The following GLIS3 variants were observed in gnomAD, a reference collection of about 807,000 sequenced individuals.
GLIS3 encodes zinc finger protein GLIS3.
A neutral mutation model predicts 78.6 loss-of-function variants in GLIS3; 53 were observed. The ratio of observed to expected loss-of-function variants is 0.67; its 90% CI spans 0.54 to 0.85. GLIS3 has a LOEUF of 0.85. GLIS3 is among the 40% of genes least tolerant of loss of function. The pLI, the probability that GLIS3 is intolerant of heterozygous loss-of-function variation, is 0.00. For synonymous variants in GLIS3, 684 were observed against 509.9 expected, an observed-to-expected ratio of 1.34 and a Z score of -4.60; for missense variants, 1,703 against 1,231.1, an observed-to-expected ratio of 1.38 and a Z score of -5.74.
intron 2 of GLIS3, among the ~76,000 whole-genome samples, chr9:4,240,065 G>C (rs909091162): frequency 1.3e-5 from 2 of 151,350 alleles, no homozygotes; most frequent in Non-Finnish European, 2.9e-5. Flanking sequence ...TAAAATTATA[G>C]TATGTAAGTA....
At chr9:4,427,816 G>A in the GLIS3 span, among the ~76,000 whole-genome samples, 3 of 151,670 alleles carry the variant, frequency 2.0e-5, no homozygotes, top group Non-Finnish European at 4.4e-5. Flanking sequence ...CCAAGATTGT[G>A]CCACTGCACT....
the GLIS3 span, among the ~76,000 whole-genome samples, chr9:4,358,672 C>T: frequency 6.7e-6 from 1 of 149,300 alleles, no homozygotes; most frequent in Non-Finnish European, 1.5e-5. Context: ...ATGCCTTGTA[C>T]AGTAGTCTTT....
intron 4 of GLIS3, among the ~76,000 whole-genome samples, chr9:4,066,435 A>C (rs1267301382): frequency 6.6e-6 from 1 of 152,140 alleles, no homozygotes; most frequent in Non-Finnish European, 1.5e-5. Context: ...CCTGGTTGTG[A>C]AACAAGAGTA....
In GLIS3 at chr9:3,828,120, A is replaced by T; in HGVS notation, c.*152T>A. On this transcript the variant is annotated 3_prime_UTR_variant, in exon 11 of 11. Transcript: ENST00000381971. Reference sequence around the variant, plus strand: ...TGATTCCTGCAAAGCTAGCTCTGCCATTCAGTCCTGCCTTCTGAAAGAACA... The same window carrying T: ...TGATTCCTGCAAAGCTAGCTCTGCCTTTCAGTCCTGCCTTCTGAAAGAACA... 5 of 841,128 alleles carry T rather than the reference A, an allele frequency of 5.9e-6. No homozygotes were observed. Among genetic ancestry groups the T allele is most frequent in the Non-Finnish European group, 7.8e-6 (4 of 513,972 alleles). 52.1% of individuals were successfully genotyped at this position (841,128 alleles called of 1,614,324 possible).
At chr9:4,287,001 T>A (rs1031944087) in intron 1 of GLIS3, among the ~76,000 whole-genome samples, 1 of 152,220 alleles carries the variant, frequency 6.6e-6, no homozygotes, top group African/African-American at 2.4e-5. Flanking sequence ...ATCTCTGATT[T>A]TCACTTTAAG....
At chr9:4,222,680 G>A (rs925717148) in intron 2 of GLIS3, among the ~76,000 whole-genome samples, 1 of 152,224 alleles carries the variant, frequency 6.6e-6, no homozygotes, top group Non-Finnish European at 1.5e-5. Context: ...GCTACTGTAA[G>A]AGGAAGAATA....
At chr9:3,984,867 G>A (rs950308307) in intron 4 of GLIS3, among the ~76,000 whole-genome samples, 64 of 152,186 alleles carry the variant, frequency 4.2e-4, no homozygotes, top group African/African-American at 1.4e-3. Context: ...AATGAGTCTC[G>A]CGAGATCTGA....
chr9:4,162,388 T>C (rs1835552381), intron 2 of GLIS3, among the ~76,000 whole-genome samples: 1 of 152,186 alleles, frequency 6.6e-6, no homozygotes. Flanking sequence ...GCAAGTGTGA[T>C]TCTCAGCCAG....
chr9:3,861,830 G>A (rs540054645), intron 8 of GLIS3, among the ~76,000 whole-genome samples: 4 of 152,314 alleles, frequency 2.6e-5, no homozygotes, highest in South Asian at 4.1e-4. Context: ...GCTAATGCAT[G>A]CGGGGCTTAA....
intron 9 of GLIS3, among the ~76,000 whole-genome samples, chr9:3,835,569 T>C (rs2130006255): frequency 6.6e-6 from 1 of 152,364 alleles, no homozygotes; most frequent in African/African-American, 2.4e-5. Flanking sequence ...ATCTATTGTT[T>C]GACTTTTCAG....
At chr9:4,318,868 G>T (rs1037066515) in intron 2 of GLIS3, among the ~76,000 whole-genome samples, 2 of 152,180 alleles carry the variant, frequency 1.3e-5, no homozygotes, top group South Asian at 2.1e-4. Flanking sequence ...GATTGCAAAG[G>T]GGGGAAGTTC....
Position 4,321,871 on chromosome 9 carries a change from A to G in GLIS3, n.265-11343T>C, listed in dbSNP as rs181477195. ...TTATAGGTGTACACTACCACACCCG[A>G]TAATTGTTTTCATTTTTATTATTAT... On this transcript the variant is annotated intron_variant and non_coding_transcript_variant, in intron 2 of 4. Transcript: ENST00000471664. 2.8e-3 allele frequency among the ~76,000 whole-genome samples: 426 copies of G among 151,944 alleles called. 3 individuals carry two copies. The highest frequency in any genetic ancestry group is 1.0e-2 in the African/African-American group (414 of 41,458).
chr9:3,877,787 G>A (rs1456305423), intron 8 of GLIS3, among the ~76,000 whole-genome samples: 1 of 151,418 alleles, frequency 6.6e-6, no homozygotes, highest in Non-Finnish European at 1.5e-5. Context: ...TTGCTCACAA[G>A]GCCTCCTGCA....
At chr9:3,863,628 C>G (rs1007972386) in intron 8 of GLIS3, among the ~76,000 whole-genome samples, 24 of 152,332 alleles carry the variant, frequency 1.6e-4, no homozygotes, top group South Asian at 8.3e-4. Context: ...CTGAGCATGA[C>G]AAAATGAAGT....
chr9:4,293,731 T>A (rs1816228507), intron 1 of GLIS3, among the ~76,000 whole-genome samples: 1 of 152,226 alleles, frequency 6.6e-6, no homozygotes. Context: ...TCACTGGTAT[T>A]CAGAAAGTCT....
At chr9:4,404,143 T>A in the GLIS3 span, among the ~76,000 whole-genome samples, 1 of 152,114 alleles carries the variant, frequency 6.6e-6, no homozygotes, top group Non-Finnish European at 1.5e-5. Context: ...TATTAAATAA[T>A]GACAAAGGGG....
chr9:3,984,383 T>C (rs1332791705), intron 4 of GLIS3, among the ~76,000 whole-genome samples: 2 of 152,330 alleles, frequency 1.3e-5, no homozygotes, highest in Non-Finnish European at 2.9e-5. Context: ...ATGTGAGACA[T>C]GGAGTGAAAG....
At chr9:3,869,728 T>C (rs1035475038) in intron 8 of GLIS3, among the ~76,000 whole-genome samples, 1 of 152,166 alleles carries the variant, frequency 6.6e-6, no homozygotes, top group Non-Finnish European at 1.5e-5. Context: ...AAACCTTCCT[T>C]AGGACCTATC....
intron 2 of GLIS3, among the ~76,000 whole-genome samples, chr9:4,200,081 G>A (rs966417319): frequency 6.6e-6 from 1 of 152,102 alleles, no homozygotes; most frequent in East Asian, 1.9e-4. Context: ...AATTAAGGCA[G>A]AAATTTTTTA....
Sources: gnomAD v4.1 joint callset for allele counts (sites outside exome capture counted in the v4.1 genomes callset) on GRCh38, gnomAD v4.1.1 for gene constraint, MANE v1.5 for transcripts, NCBI Gene and HGNC (gene_info 2026-07-23, HGNC 2026-07-21) for gene names.